The following WDPCP variants were observed in gnomAD, a reference collection of about 807,000 sequenced individuals.
The protein encoded by WDPCP is WD repeat containing planar cell polarity effector, also known as WD repeat-containing and planar cell polarity effector protein fritz homolog.
WDPCP carries 71 observed loss-of-function variants against 93.1 expected under a neutral mutation model. That is an observed-to-expected ratio of 0.76 (90% CI 0.63 to 0.93). WDPCP has a LOEUF of 0.93. WDPCP is among the 40% of genes least tolerant of loss of function. WDPCP has a pLI of 0.00. For synonymous variants in WDPCP, 315 were observed against 315.0 expected (o/e 1.00, Z 0.00); for missense variants, 844 against 887.4 (o/e 0.95, Z 0.62).
intron 3 of WDPCP, among the ~76,000 whole-genome samples, chr2:63,635,932 G>T (rs900075454): frequency 1.4e-4 from 21 of 152,120 alleles, no homozygotes; most frequent in African/African-American, 4.6e-4. Context: ...GTTTGCAGAT[G>T]ATATGGTCTT....
At chr2:63,773,754 A>G (rs1670263617) in intron 2 of WDPCP, among the ~76,000 whole-genome samples, 1 of 152,088 alleles carries the variant, frequency 6.6e-6, no homozygotes, top group Non-Finnish European at 1.5e-5. Flanking sequence ...TTGCCAAAAG[A>G]GCTATATAAT....
intron 3 of WDPCP, among the ~76,000 whole-genome samples, chr2:63,647,686 T>C (rs1264899226): frequency 1.3e-5 from 2 of 152,178 alleles, no homozygotes; most frequent in Non-Finnish European, 2.9e-5. Context: ...TTTTATTTTG[T>C]CTGTATAAAT....
chr2:63,447,802 T>C (rs965785808), intron 6 of WDPCP, among the ~76,000 whole-genome samples: 1 of 152,066 alleles, frequency 6.6e-6, no homozygotes, highest in Non-Finnish European at 1.5e-5. Flanking sequence ...GAGAAAAATA[T>C]GTATAGAGTG....
intron 1 of WDPCP, among the ~76,000 whole-genome samples, chr2:63,512,729 C>A (rs1702313561): frequency 6.6e-6 from 1 of 151,918 alleles, no homozygotes; most frequent in Admixed American, 6.6e-5. Context: ...ACGTCACACA[C>A]TGGGGCCTGT....
chr2:63,401,428 A>C (rs1450625719), intron 10 of WDPCP, among the ~76,000 whole-genome samples: 1 of 152,220 alleles, frequency 6.6e-6, no homozygotes, highest in Non-Finnish European at 1.5e-5. Context: ...GAGAAATGCA[A>C]ATCAAAACCA....
intron 2 of WDPCP, among the ~76,000 whole-genome samples, chr2:63,797,310 A>G (rs1312166037): frequency 6.6e-6 from 1 of 152,006 alleles, no homozygotes; most frequent in African/African-American, 2.4e-5. Context: ...AGGGAGAGGA[A>G]AGAGTAAAGA....
At chr2:63,127,167 A>G (rs143051137) in intron 17 of WDPCP, among the ~76,000 whole-genome samples, 2,722 of 144,414 alleles carry the variant, frequency 0.019, 95 homozygotes, top group African/African-American at 0.067. Context: ...CTGTCACTAG[A>G]CTGGAGTGCA....
chr2:63,568,613 C>T (rs191294988), intron 1 of WDPCP, among the ~76,000 whole-genome samples: 19 of 152,198 alleles, frequency 1.2e-4, no homozygotes, highest in South Asian at 2.1e-4. Flanking sequence ...TAACCTGATG[C>T]GTCCACCCTA....
chr2:63,814,259 G>GTCCTTTAT (rs1399040396), intron 1 of WDPCP, among the ~76,000 whole-genome samples: 3 of 151,908 alleles, frequency 2.0e-5, no homozygotes, highest in African/African-American at 7.3e-5. Flanking sequence ...TTTATAGCTA[G>GTCCTTTAT]AGATAGTCAT....
intron 2 of WDPCP, among the ~76,000 whole-genome samples, chr2:63,748,932 G>A (rs1669838008): frequency 6.6e-6 from 1 of 152,052 alleles, no homozygotes; most frequent in South Asian, 2.1e-4. Flanking sequence ...AGTCTGGGGT[G>A]CTCTAATTTA....
chr2:63,703,139 G>T (rs1185863796), intron 2 of WDPCP, among the ~76,000 whole-genome samples: 3 of 152,068 alleles, frequency 2.0e-5, no homozygotes, highest in Admixed American at 1.3e-4. Flanking sequence ...CATTTGGGTT[G>T]GTTCCAAGTC....
chr2:63,331,647 T>C (rs892239085), intron 12 of WDPCP, among the ~76,000 whole-genome samples: 1 of 152,236 alleles, frequency 6.6e-6, no homozygotes, highest in African/African-American at 2.4e-5. Flanking sequence ...CAAAAAAGTT[T>C]CCATGTGCTA....
chr2:63,148,085 G>T (rs1042837355), intron 17 of WDPCP, among the ~76,000 whole-genome samples: 4 of 151,968 alleles, frequency 2.6e-5, no homozygotes, highest in African/African-American at 9.7e-5. Flanking sequence ...GAACTTCCTA[G>T]AAGGAACAGT....
rs116461957 is a variant in WDPCP at position 63,554,083 on chromosome 2, G to C, written c.75+34114C>G. The stretch of plus-strand genomic sequence containing the variant: ...TCACCCATTGTTCCAATAATGTTTA[G>C]ATCCAATTCAGGATCATGCTTTGCA... On this transcript the variant is annotated intron_variant, in intron 1 of 17. Transcript: ENST00000272321. 3.6e-3 allele frequency among the ~76,000 whole-genome samples: 551 copies of C among 152,246 alleles called. 4 individuals carry two copies. The highest frequency in any genetic ancestry group is 0.012 in the African/African-American group (514 of 41,548).
At chr2:63,725,488 A>T (rs1258740405) in intron 2 of WDPCP, among the ~76,000 whole-genome samples, 1 of 152,168 alleles carries the variant, frequency 6.6e-6, no homozygotes, top group African/African-American at 2.4e-5. Context: ...GCTATTGTGA[A>T]TAGTGCTGCA....
At chr2:63,530,339 G>A (rs1703730272) in intron 1 of WDPCP, among the ~76,000 whole-genome samples, 3 of 152,130 alleles carry the variant, frequency 2.0e-5, no homozygotes, top group Non-Finnish European at 4.4e-5. Context: ...TGGGCATTTA[G>A]TGCTATAAAT....
At position 63,653,331 on chromosome 2, in the gene WDPCP, T is replaced by C. The variant is rs369822250; in HGVS notation, n.309-2493A>G. Among the ~76,000 whole-genome samples the C allele has an allele frequency of 2.5e-3, 374 of 152,282 alleles. 20 individuals are homozygous for C. The South Asian group carries it at 0.075, about 30-fold the overall frequency. ...AAATAACTCAAAGCTTGCACAGGAT[T>C]GGGACTGAATCAGGTTCCCACCAAC... On this transcript the variant is annotated intron_variant and non_coding_transcript_variant, in intron 2 of 4. Coordinates refer to the WDPCP transcript ENST00000467687.
At chr2:63,406,428 A>G (rs1694592033) in intron 9 of WDPCP, among the ~76,000 whole-genome samples, 2 of 152,206 alleles carry the variant, frequency 1.3e-5, no homozygotes, top group African/African-American at 4.8e-5. Flanking sequence ...TCTGGGGGCT[A>G]GGGATATGAC....
intron 9 of WDPCP, among the ~76,000 whole-genome samples, chr2:63,433,390 G>C (rs536095648): frequency 6.6e-6 from 1 of 152,262 alleles, no homozygotes; most frequent in African/African-American, 2.4e-5. Flanking sequence ...CAGTGATTCA[G>C]GGCTTACTAT....
Sources: allele counts gnomAD v4.1 joint callset (sites outside exome capture counted in the v4.1 genomes callset), GRCh38; gene constraint gnomAD v4.1.1; transcripts MANE v1.5; gene names NCBI Gene and HGNC (gene_info 2026-07-23, HGNC 2026-07-21).